The following TNKS1BP1 variants were observed in gnomAD, a reference collection of about 807,000 sequenced individuals.
The protein encoded by TNKS1BP1 is 182 kDa tankyrase-1-binding protein.
In TNKS1BP1, 48 loss-of-function variants were observed where a neutral mutation model predicts 141.1. The ratio of observed to expected loss-of-function variants is 0.34; its 90% CI spans 0.27 to 0.43. The LOEUF (loss-of-function observed/expected upper bound fraction) is 0.43, where lower values mean the gene tolerates loss of function less well. Among genes scored for constraint, TNKS1BP1 ranks in the 20% least tolerant of loss-of-function variants. The pLI is 1.00. For synonymous variants in TNKS1BP1, 875 were observed against 898.2 expected, an observed-to-expected ratio of 0.97 and a Z score of 0.46; for missense variants, 2,149 against 2,226.0, an observed-to-expected ratio of 0.97 and a Z score of 0.70.
At position 57,303,019 on chromosome 11, in the gene TNKS1BP1, C is replaced by A. The variant is rs201531031; in HGVS notation, c.4317-194G>T. The stretch of plus-strand genomic sequence containing the variant: ...CAGGTGAAGAGCTGAGCCAGTCTGG[C>A]AGGTTCAAATCCCTGAGACCTCGGG... On this transcript the variant is annotated intron_variant, in intron 6 of 11. Transcript: ENST00000358252. 1.1e-4 allele frequency: 66 copies of A among 609,082 alleles called. No homozygotes were observed. In the East Asian group the frequency reaches 2.0e-3, roughly 19 times the overall value. 37.7% of individuals were successfully genotyped at this position (609,082 alleles called of 1,614,324 possible).
Position 57,308,737 on chromosome 11 carries a change from T to G in TNKS1BP1, c.3974A>C (p.Asp1325Ala). 1 of 1,613,674 alleles carries G rather than the reference T, an allele frequency of 6.2e-7. No individual in the cohort carries two copies. The highest frequency in any genetic ancestry group is 8.5e-7 in the Non-Finnish European group (1 of 1,179,976). Reference protein sequence around the residue: ...LGLRDLEVTCDPDSGGSQGLR... With the variant: ...LGLRDLEVTCAPDSGGSQGLR... ...CCCCTGAGAACCTCCAGAGTCTGGGTCACAGGTCACCTCCAAATCCCTCAG... is the reference window on the plus strand; with the variant it reads ...CCCCTGAGAACCTCCAGAGTCTGGGGCACAGGTCACCTCCAAATCCCTCAG... The change falls in exon 6 of 12, where the codon GAC becomes GCC. Residue 1325 changes from aspartate to alanine, a missense_variant. Transcript: ENST00000358252.
chr11:57,307,839 G>C (rs1855636435), intron 6 of TNKS1BP1, among the ~76,000 whole-genome samples: 1 of 152,154 alleles, frequency 6.6e-6, no homozygotes, highest in Non-Finnish European at 1.5e-5. Flanking sequence ...CAAGGTCATG[G>C]GGCCAGGTCC....
chr11:57,321,788 G>A lies in TNKS1BP1; in HGVS notation c.94+4C>T. The A allele has an allele frequency of 6.2e-7, 1 of 1,612,868 alleles. No homozygotes were observed. The highest frequency in any genetic ancestry group is 8.5e-7 in the Non-Finnish European group (1 of 1,179,272). ...ACCTGGCTCCACCCTGCACCCATTG[G>A]TACCTGGCTCAGAGCCAGTAGGCAC... On this transcript the variant is annotated splice_donor_region_variant and intron_variant, in intron 2 of 11. Transcript: ENST00000358252.
At chr11:57,324,749 CG>C (rs1322251102) in intron 1 of TNKS1BP1, 90 bp downstream of exon 1, 2 of 977,372 alleles carry the variant, frequency 2.0e-6, no homozygotes, top group African/African-American at 3.5e-5. Flanking sequence ...CCCGAGGTGT[CG>C]GCTGGAAAGC....
chr11:57,304,583 A>C (rs1362756626), intron 6 of TNKS1BP1, among the ~76,000 whole-genome samples: 1 of 152,176 alleles, frequency 6.6e-6, no homozygotes, highest in Non-Finnish European at 1.5e-5. Context: ...CATGAGCTAA[A>C]GAGATGTGAA....
At chr11:57,305,409 C>T (rs1855594031) in intron 6 of TNKS1BP1, among the ~76,000 whole-genome samples, 1 of 152,122 alleles carries the variant, frequency 6.6e-6, no homozygotes, top group Non-Finnish European at 1.5e-5. Flanking sequence ...TGTGCCTCAT[C>T]TTGTCGCATC....
Position 57,300,575 on chromosome 11 carries a change from G to T in TNKS1BP1, c.5155C>A (p.Leu1719Ile). ...TTCTTCTTCAGTTTCAGGGCTTGAA[G>T]CCAGTTGGGCGACGATCCTTCTGAC... is the stretch of plus-strand genomic sequence containing the variant. ...SGSEGSSPNW[L>I]QALKLKKKKV is the part of the protein sequence containing the mutation. Residue 1719 changes from leucine to isoleucine, a missense_variant, in exon 11 of 12, where the codon CTT (leucine) becomes ATT (isoleucine). Physicochemically the swap from Leu to Ile is conservative, Grantham distance 5. Coordinates refer to ENST00000358252, the MANE Select transcript of TNKS1BP1 (RefSeq NM_033396.3). 3 of 1,614,216 alleles carry T rather than the reference G, an allele frequency of 1.9e-6. No homozygotes were observed. The highest frequency in any genetic ancestry group is 2.5e-6 in the Non-Finnish European group (3 of 1,180,048).
Position 57,309,688 on chromosome 11 carries a change from C to T in TNKS1BP1, c.3023G>A (p.Ser1008Asn). The change falls in exon 6 of 12, where the codon AGC (serine) becomes AAC (asparagine). Residue 1008 changes from serine (S) to asparagine (N), a missense_variant. Ser to Asn is a conservative substitution (Grantham distance 46). Coordinates refer to ENST00000358252, the MANE Select transcript of TNKS1BP1 (RefSeq NM_033396.3). This position sits in a 1 kb window ranked among gnomAD's most constrained non-coding sequence, Gnocchi z 4.3. ...AGCATCCCTGCTGCCCTCTCCAAGG[C>T]TGTCTTCCACACTTGGAATCTTCTT... ...FEKKIPSVED[S>N]LGEGSRDAGR... 6.2e-7 allele frequency: 1 copy of T among 1,614,256 alleles called. No homozygotes were observed. The highest frequency in any genetic ancestry group is 8.5e-7 in the Non-Finnish European group (1 of 1,180,048).
rs1335605934 is a variant in TNKS1BP1, at chr11:57,299,676, A to T, written c.*418T>A. 1 of 153,000 alleles carries T rather than the reference A, an allele frequency of 6.5e-6. No homozygotes were observed. The highest frequency in any genetic ancestry group is 1.5e-5 in the Non-Finnish European group (1 of 68,044). 9.5% of individuals were successfully genotyped at this position (153,000 alleles called of 1,614,324 possible). A position where few individuals can be genotyped will look rare whatever the true frequency, so the allele number is the denominator to read the frequency against. ...AACTTTATTTATTGTTTCAAGTGGC[A>T]AAATGTCATTGGTCTCTGTGGGGTA... On this transcript the variant is annotated 3_prime_UTR_variant, in exon 12 of 12. Coordinates refer to ENST00000358252, the MANE Select transcript of TNKS1BP1 (RefSeq NM_033396.3).
intron 4 of TNKS1BP1, among the ~76,000 whole-genome samples, chr11:57,317,020 A>T (rs942614624): frequency 6.6e-6 from 1 of 152,084 alleles, no homozygotes; most frequent in African/African-American, 2.4e-5. Context: ...GAAAGCACCA[A>T]TGCCTTTGTA....
At position 57,320,496 on chromosome 11, in the gene TNKS1BP1, G is replaced by A. The variant is rs377115056; in HGVS notation, c.311C>T (p.Ala104Val). Reference sequence around the variant, plus strand: ...TTCTCCTCCAGTGGAGGCCTCAACCGCAGGCCTTGGTGCAAAGGGAAGGGG... The same window carrying A: ...TTCTCCTCCAGTGGAGGCCTCAACCACAGGCCTTGGTGCAAAGGGAAGGGG... Reference protein sequence around the residue: ...KRPLPFAPRPAVEASTGGEAT... With the variant: ...KRPLPFAPRPVVEASTGGEAT... Residue 104 changes from alanine to valine, a missense_variant, in exon 3 of 12, where the codon GCG (alanine) becomes GTG (valine). Physicochemically the swap from Ala to Val is moderately conservative, Grantham distance 64. Coordinates refer to ENST00000358252, the MANE Select transcript of TNKS1BP1 (RefSeq NM_033396.3). 5.6e-6 allele frequency: 9 copies of A among 1,609,460 alleles called. No individual in the cohort carries two copies. Among genetic ancestry groups the A allele is most frequent in the East Asian group, 2.2e-5 (1 of 44,762 alleles).
chr11:57,322,061 G>C, intron 1 of TNKS1BP1, 111 bp from the exon 2 acceptor site: 7 of 381,224 alleles, frequency 1.8e-5, no homozygotes, highest in East Asian at 1.2e-4. Flanking sequence ...CAGGAAGAGA[G>C]AACTTGGAGT....
At chr11:57,322,371 C>T (rs1565048001) in intron 1 of TNKS1BP1, 9 of 968,986 alleles carry the variant, frequency 9.3e-6, no homozygotes, top group African/African-American at 3.5e-5. Flanking sequence ...TCCTCCCCAA[C>T]CTGGGCTCCG....
chr11:57,314,588 A>G (rs552320855), intron 4 of TNKS1BP1, among the ~76,000 whole-genome samples: 8 of 152,300 alleles, frequency 5.3e-5, no homozygotes, highest in African/African-American at 1.9e-4. Context: ...GGTGGCAACA[A>G]TGCTCATCTC....
chr11:57,302,879 C>T lies in TNKS1BP1; in HGVS notation c.4317-54G>A. On this transcript the variant is annotated intron_variant, in intron 6 of 11. Coordinates refer to ENST00000358252, the MANE Select transcript of TNKS1BP1 (RefSeq NM_033396.3). This position sits in a 1 kb window ranked among gnomAD's most constrained non-coding sequence, Gnocchi z 5.5. ...TCATCGTAAGGCCCCATCTCCCTGC[C>T]CTGAAGCCTACTTCACAAGCTCCTT... 1 of 1,451,082 alleles carries T rather than the reference C, an allele frequency of 6.9e-7. No individual in the cohort carries two copies. The highest frequency in any genetic ancestry group is 1.5e-5 in the South Asian group (1 of 67,768). 89.9% of individuals were successfully genotyped at this position (1,451,082 alleles called of 1,614,324 possible).
Position 57,300,557 on chromosome 11 carries a change from T to G in TNKS1BP1, c.5173A>C (p.Lys1725Gln). ...SPNWLQALKL[K>Q]KKKV ...GTGACTTCTCAGACCTTCTTCTTCTTCAGTTTCAGGGCTTGAAGCCAGTTG... is the reference window on the plus strand; with the variant it reads ...GTGACTTCTCAGACCTTCTTCTTCTGCAGTTTCAGGGCTTGAAGCCAGTTG... The change falls in exon 11 of 12, where the codon AAG (lysine) becomes CAG (glutamine). Residue 1725 changes from lysine (K) to glutamine (Q), a missense_variant. Physicochemically the swap from Lys to Gln is moderately conservative, Grantham distance 53 (BLOSUM62 1). Coordinates refer to ENST00000358252, the MANE Select transcript of TNKS1BP1 (RefSeq NM_033396.3). The G allele has an allele frequency of 1.2e-6, 2 of 1,614,172 alleles. No homozygotes were observed. The highest frequency in any genetic ancestry group is 1.7e-6 in the Non-Finnish European group (2 of 1,180,034).
In TNKS1BP1 at chr11:57,308,838, G is replaced by A. The variant is rs755698236; in HGVS notation, c.3873C>T (p.Ala1291=). Residue 1291 remains alanine, a synonymous_variant, in exon 6 of 12, where the codon GCC becomes GCT. Coordinates refer to ENST00000358252, the MANE Select transcript of TNKS1BP1 (RefSeq NM_033396.3). ...CTCCAGGACTGCAGACTGCCCCTGG[G>A]GCCATGTTTCTCAGCCCAAGGTCAG... The part of the protein sequence containing the change: ...WTPDLGLRNM[A]PGAVCSPGES... 4.3e-6 allele frequency: 7 copies of A among 1,614,034 alleles called. No individual in the cohort carries two copies. The South Asian group carries it at 7.7e-5, about 18-fold the overall frequency.
At chr11:57,318,443 G>A (rs1235888348) in intron 3 of TNKS1BP1, among the ~76,000 whole-genome samples, 6 of 152,224 alleles carry the variant, frequency 3.9e-5, no homozygotes, top group Admixed American at 6.5e-5. Context: ...CAAAGGACTA[G>A]CTCTGGGGCC....
At chr11:57,305,276 A>G (rs1855591895) in intron 6 of TNKS1BP1, among the ~76,000 whole-genome samples, 1 of 152,258 alleles carries the variant, frequency 6.6e-6, no homozygotes. Context: ...TAATAAAAGT[A>G]CATAAACTGT....
Sources: gnomAD v4.1 joint callset for allele counts (sites outside exome capture counted in the v4.1 genomes callset) on GRCh38, gnomAD v4.1.1 for gene constraint, Gnocchi (gnomAD v3.1) non-coding constraint, MANE v1.5 for transcripts, NCBI Gene and HGNC (gene_info 2026-07-23, HGNC 2026-07-21) for gene names.